PCDHA5: variants seen among roughly 807,000 people sequenced by gnomAD.
The protein encoded by PCDHA5 is protocadherin alpha 5.
In PCDHA5, 43 loss-of-function variants were observed where a neutral mutation model predicts 61.6. That is an observed-to-expected ratio of 0.70 (90% CI 0.55 to 0.90). PCDHA5 has a LOEUF of 0.90. PCDHA5 is among the 40% of genes least tolerant of loss of function. The probability of loss-of-function intolerance (pLI) is 0.00; values close to 1 mark genes in which losing one functional copy is unlikely to be tolerated. For synonymous variants in PCDHA5, 627 were observed against 543.9 expected (o/e 1.15, Z -2.13); for missense variants, 1,298 against 1,222.7 (o/e 1.06, Z -0.92).
At chr5:140,856,352 A>G in intron 1 of PCDHA5, 1 of 1,598,598 alleles carries the variant, frequency 6.3e-7, no homozygotes, top group South Asian at 1.1e-5. Context: ...CGTGGAGTGC[A>G]GCATCCACCT....
intron 1 of PCDHA5, among the ~76,000 whole-genome samples, chr5:140,942,906 G>C (rs1454697434): frequency 6.6e-6 from 1 of 151,800 alleles, no homozygotes; most frequent in African/African-American, 2.4e-5. Context: ...CTAAGAATAA[G>C]CGTGAAGAAA....
intron 3 of PCDHA5, among the ~76,000 whole-genome samples, chr5:140,987,098 C>A (rs2153859479): frequency 6.6e-6 from 1 of 151,952 alleles, no homozygotes; most frequent in Admixed American, 6.6e-5. Flanking sequence ...CCTGTAATCC[C>A]AGCTACTCGG....
intron 1 of PCDHA5, among the ~76,000 whole-genome samples, chr5:140,945,282 T>C (rs1554216856): frequency 6.6e-6 from 1 of 152,062 alleles, no homozygotes; most frequent in African/African-American, 2.4e-5. Context: ...TTTAAAACAT[T>C]GATGAAAGAA....
At chr5:140,830,150 G>GTTT (rs1770856321) in intron 1 of PCDHA5, 1 of 1,613,300 alleles carries the variant, frequency 6.2e-7, no homozygotes, top group East Asian at 2.2e-5. Context: ...GGTGGGCGCC[G>GTTT]CGGGCCCAGA....
chr5:140,838,880 A>T (rs959221934), intron 1 of PCDHA5, among the ~76,000 whole-genome samples: 5 of 151,848 alleles, frequency 3.3e-5, no homozygotes. Context: ...ATGCCACTGA[A>T]CTCCAGCCTA....
intron 1 of PCDHA5, chr5:140,848,396 G>A: frequency 7.8e-7 from 1 of 1,284,596 alleles, no homozygotes; most frequent in Non-Finnish European, 1.1e-6. Flanking sequence ...TCTCTGTGCT[G>A]AACGATGGCG....
intron 3 of PCDHA5, among the ~76,000 whole-genome samples, chr5:140,993,452 T>C (rs1218728585): frequency 1.5e-5 from 2 of 135,256 alleles, no homozygotes; most frequent in Non-Finnish European, 3.1e-5. Flanking sequence ...CTGTTCTCCT[T>C]CTTTCTTTCT....
At chr5:140,829,189 T>C in intron 1 of PCDHA5, 1 of 1,614,208 alleles carries the variant, frequency 6.2e-7, no homozygotes, top group Non-Finnish European at 8.5e-7. Context: ...CTCAATTTGG[T>C]ACTGTCATCG....
At chr5:140,928,830 TTCC>T in intron 1 of PCDHA5, 1 of 1,614,124 alleles carries the variant, frequency 6.2e-7, no homozygotes, top group Non-Finnish European at 8.5e-7. Flanking sequence ...ACCCACCACT[TTCC>T]TCCTCTGTCA....
chr5:140,848,763 A>G, intron 1 of PCDHA5: 3 of 1,593,392 alleles, frequency 1.9e-6, no homozygotes, highest in Non-Finnish European at 2.6e-6. Context: ...GAATTCTCGG[A>G]TCGACCGCGA....
intron 1 of PCDHA5, chr5:140,928,319 AG>A: frequency 6.2e-7 from 1 of 1,614,200 alleles, no homozygotes. Flanking sequence ...GACCTGGGGA[AG>A]AATGGCCTTG....
intron 1 of PCDHA5, chr5:140,869,206 G>T (rs192388233): frequency 7.4e-6 from 12 of 1,613,854 alleles, no homozygotes; most frequent in African/African-American, 1.3e-5. Flanking sequence ...CCACTACTCC[G>T]TCTCGGAGGA....
chr5:140,919,660 T>C (rs561238136), intron 1 of PCDHA5, among the ~76,000 whole-genome samples: 1 of 152,360 alleles, frequency 6.6e-6, no homozygotes, highest in African/African-American at 2.4e-5. Flanking sequence ...TTACCATATA[T>C]ATTTTAGCTT....
chr5:140,854,113 G>A (rs2042980116), intron 1 of PCDHA5: 1 of 316,648 alleles, frequency 3.2e-6, no homozygotes, highest in African/African-American at 2.4e-5. Flanking sequence ...AGTGAACTGT[G>A]ATGGCACAAC....
intron 1 of PCDHA5, among the ~76,000 whole-genome samples, chr5:140,891,033 G>C (rs2062910794): frequency 6.6e-6 from 1 of 151,596 alleles, no homozygotes; most frequent in South Asian, 2.1e-4. Context: ...TATAATCTTA[G>C]GTGTGACCCC....
chr5:140,863,782 C>T (rs570936581), intron 1 of PCDHA5: 24 of 228,258 alleles, frequency 1.1e-4, no homozygotes, highest in Non-Finnish European at 1.2e-4. Flanking sequence ...GCGGATCACT[C>T]GAGGCCAGGA....
At position 140,877,186 on chromosome 5, in the gene PCDHA5, A is replaced by C; in HGVS notation, c.2352+53059A>C. On this transcript the variant is annotated intron_variant, in intron 1 of 3. Coordinates refer to ENST00000529859, the MANE Select transcript of PCDHA5 (RefSeq NM_018908.3). The stretch of plus-strand genomic sequence containing the variant: ...GGCACTGCTGGCGACTCCGGCTGGC[A>C]GCGCAGGAGGCGCAGTTAGCGAGTT... 1 of 1,613,832 alleles carries C rather than the reference A, an allele frequency of 6.2e-7. No homozygotes were observed. Among genetic ancestry groups the C allele is most frequent in the Non-Finnish European group, 8.5e-7 (1 of 1,179,822 alleles).
At chr5:140,860,165 G>T (rs1045558132) in intron 1 of PCDHA5, 2 of 147,750 alleles carry the variant, frequency 1.4e-5, no homozygotes, top group Admixed American at 1.4e-4. Flanking sequence ...ATATATATAT[G>T]TATATATATA....
intron 1 of PCDHA5, chr5:140,863,962 C>T (rs1378381215): frequency 6.4e-6 from 1 of 155,852 alleles, no homozygotes; most frequent in Non-Finnish European, 1.4e-5. Context: ...GATTAGGCCA[C>T]TGCACTACAG....
Sources: gnomAD v4.1 joint callset for allele counts (sites outside exome capture counted in the v4.1 genomes callset) on GRCh38, gnomAD v4.1.1 for gene constraint, MANE v1.5 for transcripts, NCBI Gene and HGNC (gene_info 2026-07-23, HGNC 2026-07-21) for gene names.